The following TMEM132D variants were observed in gnomAD, a reference collection of about 807,000 sequenced individuals.
The protein encoded by TMEM132D is mature OL transmembrane protein.
A neutral mutation model predicts 62.3 loss-of-function variants in TMEM132D; 21 were observed. The observed-to-expected ratio is 0.34, with a 90% CI of 0.24 to 0.49. The LOEUF is 0.49. Among genes scored for constraint, TMEM132D ranks in the 20% least tolerant of loss-of-function variants. TMEM132D has a pLI of 0.99. For missense variants in TMEM132D, 1,346 were observed against 1,402.8 expected (o/e 0.96, Z 0.65); for synonymous variants, 621 against 575.6 (o/e 1.08, Z -1.13).
At chr12:129,141,031 G>A (rs985140723) in intron 5 of TMEM132D, among the ~76,000 whole-genome samples, 7 of 152,120 alleles carry the variant, frequency 4.6e-5, no homozygotes, top group African/African-American at 1.7e-4. Context: ...CCTGCATTTT[G>A]GCTTGGTTTT....
At chr12:129,694,349 G>C (rs1881144316) in intron 2 of TMEM132D, among the ~76,000 whole-genome samples, 1 of 152,146 alleles carries the variant, frequency 6.6e-6, no homozygotes, top group African/African-American at 2.4e-5. Context: ...CAAAACAGCT[G>C]ACCAGTAAGT....
rs1470192516 is a variant in TMEM132D at position 129,678,739 on chromosome 12, T to A, written c.968+21071A>T. ...GGATATAAAGATATCCTTTGGTATT[T>A]TCTTCTACACTGATTTACTTTTTCC... On this transcript the variant is annotated intron_variant, in intron 2 of 8. Transcript: ENST00000422113. Among the ~76,000 whole-genome samples, 4 of 152,252 alleles carry A rather than the reference T, an allele frequency of 2.6e-5. No individual in the cohort carries two copies. In the East Asian group the frequency reaches 7.7e-4, roughly 29 times the overall value.
chr12:129,129,846 C>G (rs1016475812), intron 5 of TMEM132D, among the ~76,000 whole-genome samples: 2 of 152,138 alleles, frequency 1.3e-5, no homozygotes, highest in African/African-American at 2.4e-5. Flanking sequence ...TATGCCTCCT[C>G]AGGTCCTCAG....
chr12:129,601,454 G>C (rs996722575), intron 2 of TMEM132D, among the ~76,000 whole-genome samples: 4 of 152,118 alleles, frequency 2.6e-5, no homozygotes, highest in African/African-American at 9.7e-5. Flanking sequence ...TTTTCTCCAC[G>C]TTCGAAACAT....
chr12:129,281,873 G>A (rs1881163904), intron 4 of TMEM132D, among the ~76,000 whole-genome samples: 1 of 152,132 alleles, frequency 6.6e-6, no homozygotes. Context: ...GGTTGAAAGG[G>A]AAAACAAAAG....
chr12:129,283,735 AG>A (rs1881221438), intron 4 of TMEM132D, among the ~76,000 whole-genome samples: 3 of 152,202 alleles, frequency 2.0e-5, no homozygotes, highest in African/African-American at 7.2e-5. Flanking sequence ...ACACAAGATG[AG>A]AATGTCCACT....
At chr12:129,616,772 C>A (rs1263482955) in intron 2 of TMEM132D, among the ~76,000 whole-genome samples, 1 of 152,140 alleles carries the variant, frequency 6.6e-6, no homozygotes, top group Non-Finnish European at 1.5e-5. Flanking sequence ...AACCTCTTTC[C>A]TTCATAAAGT....
At chr12:129,733,692 G>C (rs969677780) in intron 1 of TMEM132D, among the ~76,000 whole-genome samples, 3 of 152,008 alleles carry the variant, frequency 2.0e-5, no homozygotes, top group Non-Finnish European at 4.4e-5. Flanking sequence ...AGATGAGGTG[G>C]GGGTGGGGGA....
chr12:129,585,086 G>T (rs1877986585), intron 2 of TMEM132D, among the ~76,000 whole-genome samples: 1 of 152,212 alleles, frequency 6.6e-6, no homozygotes, highest in African/African-American at 2.4e-5. Flanking sequence ...CACTAAAACA[G>T]TGCTGACATA....
In TMEM132D at chr12:129,320,753, G is replaced by GA. The variant is rs555641668; in HGVS notation, c.1299+16880dup. ...GAAACATTTGTAATGGTTTACACTAGAAAAAAGAATAGTTTGGAGTACAAT... is the reference window on the plus strand; with the variant it reads ...GAAACATTTGTAATGGTTTACACTAGAAAAAAAGAATAGTTTGGAGTACAAT... On this transcript the variant is annotated intron_variant, in intron 4 of 8. Coordinates refer to ENST00000422113, the MANE Select transcript of TMEM132D (RefSeq NM_133448.3). 4.0e-3 allele frequency among the ~76,000 whole-genome samples: 611 copies of GA among 152,218 alleles called. 2 individuals carry two copies. The highest frequency in any genetic ancestry group is 0.01 in the African/African-American group (422 of 41,554).
intron 1 of TMEM132D, among the ~76,000 whole-genome samples, chr12:129,761,953 C>T (rs1870394375): frequency 6.6e-6 from 1 of 152,106 alleles, no homozygotes; most frequent in South Asian, 2.1e-4. Context: ...ATGTTATATT[C>T]AAATACTGGA....
intron 5 of TMEM132D, among the ~76,000 whole-genome samples, chr12:129,152,156 A>C (rs1447390049): frequency 6.6e-6 from 1 of 152,190 alleles, no homozygotes; most frequent in African/African-American, 2.4e-5. Flanking sequence ...TGCTGGGATT[A>C]CAGCATGATT....
chr12:129,881,889 C>A (rs1167554451), intron 1 of TMEM132D, among the ~76,000 whole-genome samples: 1 of 151,656 alleles, frequency 6.6e-6, no homozygotes, highest in East Asian at 1.9e-4. Context: ...GCCAGACTGA[C>A]TGAGAAAAAA....
At chr12:129,535,965 A>G (rs1876375985) in intron 2 of TMEM132D, among the ~76,000 whole-genome samples, 1 of 152,170 alleles carries the variant, frequency 6.6e-6, no homozygotes, top group African/African-American at 2.4e-5. Context: ...TAGTCCTGTT[A>G]GAAACTATTA....
At chr12:129,605,234 A>G (rs1043955484) in intron 2 of TMEM132D, among the ~76,000 whole-genome samples, 1 of 152,142 alleles carries the variant, frequency 6.6e-6, no homozygotes. Flanking sequence ...TTGGGACATG[A>G]CGGGCATGGT....
chr12:129,605,504 C>T (rs1178302916), intron 2 of TMEM132D, among the ~76,000 whole-genome samples: 1 of 150,752 alleles, frequency 6.6e-6, no homozygotes, highest in Non-Finnish European at 1.5e-5. Flanking sequence ...TTGCATCCAG[C>T]ACTAGAAAAT....
chr12:129,478,472 A>T (rs1230010831), intron 3 of TMEM132D, among the ~76,000 whole-genome samples: 2 of 152,224 alleles, frequency 1.3e-5, no homozygotes, highest in Non-Finnish European at 2.9e-5. Context: ...GCATGACTAC[A>T]TATGTAGACT....
intron 5 of TMEM132D, among the ~76,000 whole-genome samples, chr12:129,101,678 T>C (rs1398285002): frequency 6.6e-6 from 1 of 152,314 alleles, no homozygotes; most frequent in East Asian, 1.9e-4. Flanking sequence ...GCTTTCTCAC[T>C]CCAAGGTAGT....
chr12:129,616,388 C>T (rs75541649), intron 2 of TMEM132D, among the ~76,000 whole-genome samples: 2 of 152,052 alleles, frequency 1.3e-5, no homozygotes, highest in Admixed American at 1.3e-4. Flanking sequence ...CCTTCTTTTT[C>T]ATTGAGGGGC....
Sources: gnomAD v4.1 joint callset for allele counts (sites outside exome capture counted in the v4.1 genomes callset) on GRCh38, gnomAD v4.1.1 for gene constraint, MANE v1.5 for transcripts, NCBI Gene and HGNC (gene_info 2026-07-23, HGNC 2026-07-21) for gene names.